Variants in TYW1 observed in about 807,000 individuals in gnomAD.
TYW1 encodes the protein tRNA-yW synthesizing protein 1 homolog.
A neutral mutation model predicts 96.2 loss-of-function variants in TYW1; 46 were observed. That is an observed-to-expected ratio of 0.48 (90% CI 0.38 to 0.61). The LOEUF (loss-of-function observed/expected upper bound fraction) is 0.61, where lower values mean the gene tolerates loss of function less well. Among genes scored for constraint, TYW1 ranks in the 20% least tolerant of loss-of-function variants. The pLI, the probability that TYW1 is intolerant of heterozygous loss-of-function variation, is 0.00. For synonymous variants in TYW1, 274 were observed against 323.0 expected, an observed-to-expected ratio of 0.85 and a Z score of 1.63; for missense variants, 684 against 909.6, an observed-to-expected ratio of 0.75 and a Z score of 3.19.
In TYW1 at chr7:67,077,634, GGATATTAATCCCTTGTTT is replaced by G. The variant is rs1453947062; in HGVS notation, c.1275-5792_1275-5775del. On this transcript the variant is annotated intron_variant, in intron 10 of 15. Coordinates refer to ENST00000359626, the MANE Select transcript of TYW1 (RefSeq NM_018264.4). ...GTTGTTTGAATTTTTTGTATATTCT[GGATATTAATCCCTTGTTT>G]GATGAATGGTTTGGAAATATTTTCT... 7.4e-4 allele frequency among the ~76,000 whole-genome samples: 113 copies of G among 152,128 alleles called. 1 individual carries two copies. The highest frequency in any genetic ancestry group is 2.7e-3 in the African/African-American group (112 of 41,516).
Position 67,087,365 on chromosome 7 carries a change from A to G in TYW1, c.1384+3826A>G, listed in dbSNP as rs78641318. ...TTTGTCTATGGGTTCTTATGATGTGAGGAAAACAAAAGAGTTTTAAAATTT... is the reference window on the plus strand; with the variant it reads ...TTTGTCTATGGGTTCTTATGATGTGGGGAAAACAAAAGAGTTTTAAAATTT... On this transcript the variant is annotated intron_variant, in intron 11 of 15. Coordinates refer to ENST00000359626, the MANE Select transcript of TYW1 (RefSeq NM_018264.4). Among the ~76,000 whole-genome samples, 9 of 152,274 alleles carry G rather than the reference A, an allele frequency of 5.9e-5. No homozygotes were observed. In the East Asian group the frequency reaches 1.7e-3, roughly 29 times the overall value.
In TYW1 at chr7:67,227,417, C is replaced by T. The variant is rs529950351; in HGVS notation, c.1978-10891C>T. Among the ~76,000 whole-genome samples the T allele has an allele frequency of 1.7e-4, 26 of 152,250 alleles. No individual in the cohort carries two copies. The East Asian group carries it at 2.1e-3, about 12-fold the overall frequency. ...GATTACAGGCATGCACCACCACACCCGGCTAATTTTTGTATTTTTAGTAGA... is the reference window on the plus strand; with the variant it reads ...GATTACAGGCATGCACCACCACACCTGGCTAATTTTTGTATTTTTAGTAGA... On this transcript the variant is annotated intron_variant, in intron 15 of 15. Coordinates refer to ENST00000359626, the MANE Select transcript of TYW1 (RefSeq NM_018264.4).
chr7:67,162,548 C>T (rs1445050074), intron 13 of TYW1, among the ~76,000 whole-genome samples: 4 of 152,104 alleles, frequency 2.6e-5, no homozygotes, highest in African/African-American at 9.7e-5. Context: ...TTGTCTCAGT[C>T]GTTTTGTGAA....
chr7:67,133,141 A>G (rs1798136431), intron 13 of TYW1, among the ~76,000 whole-genome samples: 6 of 152,034 alleles, frequency 3.9e-5, no homozygotes, highest in Admixed American at 3.3e-4. Context: ...TGTTGATTCT[A>G]TTTTATTTAT....
chr7:67,032,794 G>T (rs1355672131), intron 7 of TYW1, among the ~76,000 whole-genome samples: 8 of 150,692 alleles, frequency 5.3e-5, no homozygotes, highest in Non-Finnish European at 8.8e-5. Flanking sequence ...CCCTTGCGCT[G>T]AGCAAAATGT....
chr7:67,120,967 C>T lies in TYW1; in HGVS notation c.1698+3349C>T, dbSNP rs1797742314. ...TTCTTTGGGCAATTTAAACTGCCCACACATTAGGGCAATGACTTTCTGAGC... is the reference window on the plus strand; with the variant it reads ...TTCTTTGGGCAATTTAAACTGCCCATACATTAGGGCAATGACTTTCTGAGC... On this transcript the variant is annotated intron_variant, in intron 13 of 15. Coordinates refer to ENST00000359626, the MANE Select transcript of TYW1 (RefSeq NM_018264.4). Among the ~76,000 whole-genome samples the T allele has an allele frequency of 2.6e-5, 4 of 152,226 alleles. No individual in the cohort carries two copies. The South Asian group carries it at 8.3e-4, about 31-fold the overall frequency.
At chr7:67,096,608 G>A (rs889755990) in intron 11 of TYW1, among the ~76,000 whole-genome samples, 2 of 151,770 alleles carry the variant, frequency 1.3e-5, no homozygotes, top group African/African-American at 4.8e-5. Context: ...AAGTTCAGGG[G>A]TACAAGTGCA....
chr7:67,029,410 T>TATATATATAC (rs1302229314), intron 7 of TYW1, among the ~76,000 whole-genome samples: 1 of 130,206 alleles, frequency 7.7e-6, no homozygotes, highest in African/African-American at 2.7e-5. Context: ...TGTGTGTGTG[T>TATATATATAC]GTGTGTATAT....
At chr7:67,180,788 G>A (rs35243656) in intron 13 of TYW1, among the ~76,000 whole-genome samples, 7,159 of 151,482 alleles carry the variant, frequency 0.047, 235 homozygotes, top group Non-Finnish European at 0.076. Flanking sequence ...GATTACAGGC[G>A]CCTGCCATCA....
At chr7:67,094,654 GTGT>G (rs1563009712) in intron 11 of TYW1, among the ~76,000 whole-genome samples, 155 of 68,092 alleles carry the variant, frequency 2.3e-3, no homozygotes, top group Admixed American at 5.6e-3. Context: ...GAATTAGAGT[GTGT>G]GTGTGTGTGT....
rs978612050 is a variant in TYW1, at chr7:67,207,657, A to G, written c.1977+12320A>G. 7.2e-5 allele frequency among the ~76,000 whole-genome samples: 10 copies of G among 139,298 alleles called. No individual in the cohort carries two copies. The South Asian group carries it at 2.1e-3, about 29-fold the overall frequency. 91.4% of individuals were successfully genotyped at this position (139,298 alleles called of 152,430 possible). On this transcript the variant is annotated intron_variant, in intron 15 of 15. Coordinates refer to ENST00000359626, the MANE Select transcript of TYW1 (RefSeq NM_018264.4). ...AATTCCCCAGTTGTGACATTTGTTT[A>G]TCTACTTCACAAATTTTGTTTGCCT...
chr7:67,157,239 G>GT (rs752984654), intron 13 of TYW1, among the ~76,000 whole-genome samples: 33 of 152,116 alleles, frequency 2.2e-4, no homozygotes, highest in Non-Finnish European at 4.6e-4. Flanking sequence ...TATTGTTAAC[G>GT]TTTTACATTA....
intron 1 of TYW1, 78 bp downstream of exon 1, chr7:66,997,060 T>G: frequency 6.2e-7 from 1 of 1,601,564 alleles, no homozygotes; most frequent in Non-Finnish European, 8.5e-7. Flanking sequence ...CCGGGCGGAG[T>G]GGCGTCCTCG....
At chr7:67,053,174 C>T (rs1253310404) in intron 8 of TYW1, among the ~76,000 whole-genome samples, 3 of 145,920 alleles carry the variant, frequency 2.1e-5, no homozygotes, top group African/African-American at 7.6e-5. Context: ...TTAGATGAGA[C>T]AAGAGCTGGC....
intron 6 of TYW1, among the ~76,000 whole-genome samples, chr7:67,021,878 A>G (rs1794291512): frequency 6.6e-6 from 1 of 152,220 alleles, no homozygotes; most frequent in Non-Finnish European, 1.5e-5. Context: ...AGTCTAGGAC[A>G]AGGACCAGCA....
At chr7:67,201,792 T>C (rs1800607606) in intron 15 of TYW1, among the ~76,000 whole-genome samples, 1 of 152,200 alleles carries the variant, frequency 6.6e-6, no homozygotes, top group East Asian at 1.9e-4. Flanking sequence ...GGTTTCCAAC[T>C]TGCACATTCA....
intron 13 of TYW1, among the ~76,000 whole-genome samples, chr7:67,144,055 T>C (rs1798527967): frequency 6.6e-6 from 1 of 152,250 alleles, no homozygotes; most frequent in Admixed American, 6.5e-5. Context: ...TTTAAAAGTT[T>C]AATGAAATTT....
chr7:67,134,614 G>C (rs539461060), intron 13 of TYW1, among the ~76,000 whole-genome samples: 2 of 151,566 alleles, frequency 1.3e-5, no homozygotes, highest in African/African-American at 4.8e-5. Context: ...GGTGCATGTC[G>C]GAGAACCCAG....
intron 15 of TYW1, among the ~76,000 whole-genome samples, chr7:67,227,554 G>C (rs1801604774): frequency 6.6e-6 from 1 of 151,990 alleles, no homozygotes; most frequent in South Asian, 2.1e-4. Context: ...ACCAAACCCG[G>C]CCCCCACACC....
Sources: allele counts gnomAD v4.1 joint callset (sites outside exome capture counted in the v4.1 genomes callset), GRCh38; gene constraint gnomAD v4.1.1; transcripts MANE v1.5; gene names NCBI Gene and HGNC (gene_info 2026-07-23, HGNC 2026-07-21).